Variants in PRDX6 observed in about 807,000 individuals in gnomAD.
PRDX6 encodes peroxiredoxin-6.
PRDX6 carries 13 observed loss-of-function variants against 20.0 expected under a neutral mutation model. That is an observed-to-expected ratio of 0.65 (90% CI 0.42 to 1.03). The LOEUF is 1.03. PRDX6 is among the 50% of genes least tolerant of loss of function. The pLI, the probability that PRDX6 is intolerant of heterozygous loss-of-function variation, is 0.00. For missense variants in PRDX6, 203 were observed against 276.9 expected (o/e 0.73, Z 1.89); for synonymous variants, 85 against 100.8 (o/e 0.84, Z 0.94).
Position 173,487,844 on chromosome 1 carries a change from G to A in PRDX6, c.656G>A (p.Arg219His), listed in dbSNP as rs1272387144. The change falls in exon 5 of 5, where the codon CGC becomes CAC. Residue 219 changes from arginine to histidine, a missense_variant. Transcript: ENST00000340385. ...CTCCCATCTGGCAAGAAATACCTCC[G>A]CTACACACCCCAGCCTTAAGTCTCT... ...KELPSGKKYL[R>H]YTPQP is the part of the protein sequence containing the mutation. 6 of 1,612,980 alleles carry A rather than the reference G, an allele frequency of 3.7e-6. No individual in the cohort carries two copies. Among genetic ancestry groups the A allele is most frequent in the Non-Finnish European group, 5.1e-6 (6 of 1,180,002 alleles).
rs185399708 is a variant in PRDX6 at position 173,484,193 on chromosome 1, T to C, written c.253-1168T>C. On this transcript the variant is annotated intron_variant, in intron 2 of 4. Coordinates refer to ENST00000340385, the MANE Select transcript of PRDX6 (RefSeq NM_004905.3). ...TTATATATATACACACACACACACA[T>C]ACATATATATACATATGCACACGTA... 3.7e-3 allele frequency among the ~76,000 whole-genome samples: 506 copies of C among 135,870 alleles called. 9 individuals carry two copies. The highest frequency in any genetic ancestry group is 6.7e-3 in the African/African-American group (223 of 33,152). 89.1% of individuals were successfully genotyped at this position (135,870 alleles called of 152,430 possible). A position where few individuals can be genotyped will look rare whatever the true frequency, so the allele number is the denominator to read the frequency against.
Position 173,487,872 on chromosome 1 carries a change from G to C in PRDX6, c.*9G>C. ...ACACACCCCAGCCTTAAGTCTCTTG[G>C]AGAAGCTGGTGCTGTGAGCCAGAGG... On this transcript the variant is annotated 3_prime_UTR_variant, in exon 5 of 5. Coordinates refer to ENST00000340385, the MANE Select transcript of PRDX6 (RefSeq NM_004905.3). 1 of 1,612,162 alleles carries C rather than the reference G, an allele frequency of 6.2e-7. No homozygotes were observed. The highest frequency in any genetic ancestry group is 8.5e-7 in the Non-Finnish European group (1 of 1,179,886).
intron 1 of PRDX6, among the ~76,000 whole-genome samples, chr1:173,480,115 T>C (rs1658777243): frequency 6.6e-6 from 1 of 152,224 alleles, no homozygotes; most frequent in South Asian, 2.1e-4. Context: ...TTGCCCTTCA[T>C]AGTAAAGTGA....
At position 173,488,539 on chromosome 1, in the gene PRDX6, C is replaced by G. The variant is rs901792029; in HGVS notation, c.*676C>G. 6.6e-6 allele frequency: 1 copy of G among 152,114 alleles called. No homozygotes were observed. Among genetic ancestry groups the G allele is most frequent in the Non-Finnish European group, 1.5e-5 (1 of 68,012 alleles). The allele number at this position is 152,114 out of a possible 1,614,324, so 9.4% of individuals were successfully genotyped here. A position where few individuals can be genotyped will look rare whatever the true frequency, so the allele number is the denominator to read the frequency against. On this transcript the variant is annotated 3_prime_UTR_variant, in exon 5 of 5. Transcript: ENST00000340385. ...CTATAAAAAAATTTGTGATAAGTTT[C>G]TATCAAAATGGGGAGATTGCAGAAA...
intron 3 of PRDX6, 128 bp downstream of exon 3, chr1:173,485,635 ATATCACTGAT>A (rs1419659808): frequency 3.5e-6 from 3 of 867,056 alleles, no homozygotes; most frequent in Admixed American, 6.8e-5. Context: ...ATTGGCGACA[ATATCACTGAT>A]TATCTGTAAT....
intron 1 of PRDX6, among the ~76,000 whole-genome samples, chr1:173,479,808 G>A (rs555560844): frequency 3.4e-4 from 52 of 152,302 alleles, no homozygotes; most frequent in African/African-American, 1.1e-3. Context: ...GTAAACTGGA[G>A]TTTCACTTCT....
intron 3 of PRDX6, among the ~76,000 whole-genome samples, chr1:173,485,942 C>G (rs1658888222): frequency 6.6e-6 from 1 of 152,172 alleles, no homozygotes; most frequent in Non-Finnish European, 1.5e-5. Context: ...AATATCAACT[C>G]CCATTAGTAT....
intron 1 of PRDX6, among the ~76,000 whole-genome samples, chr1:173,478,895 A>G (rs191100433): frequency 7.9e-5 from 12 of 152,338 alleles, no homozygotes; most frequent in Admixed American, 2.6e-4. Flanking sequence ...GAATATTCAA[A>G]CCTTGAATGC....
chr1:173,478,790 C>T (rs1206555465), intron 1 of PRDX6, among the ~76,000 whole-genome samples: 1 of 152,172 alleles, frequency 6.6e-6, no homozygotes, highest in Non-Finnish European at 1.5e-5. Flanking sequence ...CTATCCAACC[C>T]TTTATAACCT....
At chr1:173,477,541 C>G in intron 1 of PRDX6, 49 bp downstream of exon 1, 1 of 1,438,618 alleles carries the variant, frequency 7.0e-7, no homozygotes, top group African/African-American at 1.5e-5. Context: ...GCGCCGGACT[C>G]GGAGGTGCCT....
At chr1:173,483,935 T>C (rs1448046698) in intron 2 of PRDX6, among the ~76,000 whole-genome samples, 1 of 151,558 alleles carries the variant, frequency 6.6e-6, no homozygotes, top group Non-Finnish European at 1.5e-5. Context: ...ACCCCGTTTC[T>C]ACTAAAAATA....
Position 173,481,405 on chromosome 1 carries a change from C to G in PRDX6, c.175C>G (p.Pro59Ala). 6.2e-7 allele frequency: 1 copy of G among 1,613,850 alleles called. No individual in the cohort carries two copies. Among genetic ancestry groups the G allele is most frequent in the Non-Finnish European group, 8.5e-7 (1 of 1,179,746 alleles). ...GCTTGGCAGAGCTGCAAAGCTGGCA[C>G]CAGAATTTGCCAAGAGGAATGTTAA... ...TELGRAAKLAPEFAKRNVKLI... is the reference protein window; with the variant it reads ...TELGRAAKLAAEFAKRNVKLI... The change falls in exon 2 of 5, where the codon CCA becomes GCA. Residue 59 changes from proline to alanine, a missense_variant. Pro to Ala is a conservative substitution (Grantham distance 27, BLOSUM62 -1). Transcript: ENST00000340385.
chr1:173,481,016 T>C (rs1405433836), intron 1 of PRDX6, among the ~76,000 whole-genome samples: 1 of 152,160 alleles, frequency 6.6e-6, no homozygotes, highest in Non-Finnish European at 1.5e-5. Flanking sequence ...GCACAGATTG[T>C]ATTAGCCAAA....
At chr1:173,485,676 A>C (rs1240207506) in intron 3 of PRDX6, among the ~76,000 whole-genome samples, 169 bp downstream of exon 3, 5 of 152,218 alleles carry the variant, frequency 3.3e-5, no homozygotes, top group Non-Finnish European at 7.3e-5. Context: ...TTTTCAGCTA[A>C]ATTTTCCAAC....
In PRDX6 at chr1:173,488,490, G is replaced by A. The variant is rs578052868; in HGVS notation, c.*627G>A. ...TTCCTAGTAGATAAGTGAAGAGCAG[G>A]GAAAGAGACCTTTAAATATTTTGCT... On this transcript the variant is annotated 3_prime_UTR_variant, in exon 5 of 5. Transcript: ENST00000340385. The A allele has an allele frequency of 2.0e-5, 3 of 152,278 alleles. No individual in the cohort carries two copies. Among genetic ancestry groups the A allele is most frequent in the Admixed American group, 2.0e-4 (3 of 15,296 alleles). The allele number at this position is 152,278 out of a possible 1,614,324, so 9.4% of individuals were successfully genotyped here.
intron 4 of PRDX6, among the ~76,000 whole-genome samples, 189 bp downstream of exon 4, chr1:173,486,590 C>T (rs1323027863): frequency 5.9e-5 from 9 of 152,130 alleles, no homozygotes; most frequent in Admixed American, 5.9e-4. Flanking sequence ...ATACACAACA[C>T]AAACTCCCTA....
Position 173,477,422 on chromosome 1 carries a change from G to T in PRDX6, c.25G>T (p.Asp9Tyr). The T allele has an allele frequency of 6.2e-7, 1 of 1,608,694 alleles. No homozygotes were observed. Among genetic ancestry groups the T allele is most frequent in the South Asian group, 1.1e-5 (1 of 90,354 alleles). The change falls in exon 1 of 5, where the codon GAC becomes TAC. Residue 9 changes from aspartate (D) to tyrosine (Y), a missense_variant. Physicochemically the swap from Asp to Tyr is radical, Grantham distance 160. Transcript: ENST00000340385. MPGGLLLG[D>Y]VAPNFEANTT... is the part of the protein sequence containing the mutation. ...CATGCCCGGAGGTCTGCTTCTCGGG[G>T]ACGTGGCTCCCAACTTTGAGGCCAA...
rs1275324552 is a variant in PRDX6 at position 173,487,964 on chromosome 1, A to G, written c.*101A>G. On this transcript the variant is annotated 3_prime_UTR_variant, in exon 5 of 5. Coordinates refer to ENST00000340385, the MANE Select transcript of PRDX6 (RefSeq NM_004905.3). ...ACACATCCTGGTGTCATCACAGCCA[A>G]GGTTTTTAGGTTGCTATACCAATGG... 10 of 1,442,678 alleles carry G rather than the reference A, an allele frequency of 6.9e-6. No homozygotes were observed. The highest frequency in any genetic ancestry group is 2.3e-5 in the East Asian group (1 of 43,448). 89.4% of individuals were successfully genotyped at this position (1,442,678 alleles called of 1,614,324 possible).
intron 2 of PRDX6, among the ~76,000 whole-genome samples, chr1:173,484,145 T>A (rs1200853840): frequency 1.7e-5 from 2 of 116,796 alleles, no homozygotes; most frequent in Admixed American, 8.0e-5. Context: ...AAATTAGATA[T>A]ATATATTTAT....
Sources: allele counts gnomAD v4.1 joint callset (sites outside exome capture counted in the v4.1 genomes callset), GRCh38; gene constraint gnomAD v4.1.1; transcripts MANE v1.5; gene names NCBI Gene and HGNC (gene_info 2026-07-23, HGNC 2026-07-21).